The following PLXDC2 variants were observed in gnomAD, a reference collection of about 807,000 sequenced individuals.
PLXDC2 encodes plexin domain-containing protein 2.
In PLXDC2, 40 loss-of-function variants were observed where a neutral mutation model predicts 68.9. The ratio of observed to expected loss-of-function variants is 0.58; its 90% CI spans 0.45 to 0.76. The LOEUF is 0.76. Among genes scored for constraint, PLXDC2 ranks in the 30% least tolerant of loss-of-function variants. The pLI is 0.00. For missense variants in PLXDC2, 644 were observed against 661.9 expected, an observed-to-expected ratio of 0.97 and a Z score of 0.30; for synonymous variants, 243 against 234.2, an observed-to-expected ratio of 1.04 and a Z score of -0.34.
At chr10:19,858,969 C>G (rs1458511508) in intron 1 of PLXDC2, among the ~76,000 whole-genome samples, 1 of 151,612 alleles carries the variant, frequency 6.6e-6, no homozygotes, top group African/African-American at 2.4e-5. Context: ...GAAGCTTCCA[C>G]TCATGGTGGA....
At chr10:20,167,594 T>C (rs1834391911) in intron 7 of PLXDC2, among the ~76,000 whole-genome samples, 1 of 152,166 alleles carries the variant, frequency 6.6e-6, no homozygotes, top group African/African-American at 2.4e-5. Context: ...AGGGAACAAC[T>C]GATTATTATT....
At chr10:20,112,752 GA>G (rs1249023246) in intron 4 of PLXDC2, among the ~76,000 whole-genome samples, 1 of 152,144 alleles carries the variant, frequency 6.6e-6, no homozygotes, top group Non-Finnish European at 1.5e-5. Flanking sequence ...AAGACCACAT[GA>G]AAGTTGGAAA....
chr10:20,228,223 G>A (rs1026653742), intron 12 of PLXDC2, among the ~76,000 whole-genome samples: 4 of 152,158 alleles, frequency 2.6e-5, no homozygotes, highest in African/African-American at 9.7e-5. Flanking sequence ...ATAAATGACA[G>A]TTGAAGTTAA....
At chr10:20,109,703 T>A (rs1833533963) in intron 4 of PLXDC2, among the ~76,000 whole-genome samples, 1 of 152,236 alleles carries the variant, frequency 6.6e-6, no homozygotes, top group African/African-American at 2.4e-5. Flanking sequence ...AATGTTTTTT[T>A]AACTACTATA....
At chr10:20,265,602 AT>A (rs1835862108) in intron 13 of PLXDC2, among the ~76,000 whole-genome samples, 1 of 152,190 alleles carries the variant, frequency 6.6e-6, no homozygotes, top group Non-Finnish European at 1.5e-5. Flanking sequence ...ACTACATATC[AT>A]TTAGTATTGT....
rs1053773221 is a variant in PLXDC2 at position 20,068,246 on chromosome 10, G to A, written c.541+7G>A. 4 of 1,604,240 alleles carry A rather than the reference G, an allele frequency of 2.5e-6. No homozygotes were observed. The highest frequency in any genetic ancestry group is 1.7e-5 in the Admixed American group (1 of 59,550). On this transcript the variant is annotated splice_region_variant and intron_variant, in intron 4 of 13. Transcript: ENST00000377252. Reference sequence around the variant, plus strand: ...ATCACTGTGGCAACCGGGGGTAAGTGGTTTTCTACCCATTCACCTTAAGTA... The same window carrying A: ...ATCACTGTGGCAACCGGGGGTAAGTAGTTTTCTACCCATTCACCTTAAGTA...
chr10:20,276,226 A>G (rs368422519), intron 13 of PLXDC2, among the ~76,000 whole-genome samples: 8 of 152,102 alleles, frequency 5.3e-5, no homozygotes, highest in African/African-American at 1.9e-4. Context: ...ACTTCCTTTC[A>G]AGGGCTCATC....
intron 2 of PLXDC2, among the ~76,000 whole-genome samples, chr10:20,027,658 T>C (rs1835426140): frequency 6.6e-6 from 1 of 150,722 alleles, no homozygotes. Flanking sequence ...GAAGATACTT[T>C]CTCTCAACAC....
chr10:20,287,479 A>G lies in PLXDC2; in HGVS notation c.*7660A>G, dbSNP rs1399231478. The G allele has an allele frequency of 6.6e-5, 10 of 152,126 alleles. No individual in the cohort carries two copies. The highest frequency in any genetic ancestry group is 6.5e-4 in the Admixed American group (10 of 15,274). 9.4% of individuals were successfully genotyped at this position (152,126 alleles called of 1,614,324 possible). On this transcript the variant is annotated 3_prime_UTR_variant, in exon 14 of 14. Transcript: ENST00000377252. The stretch of plus-strand genomic sequence containing the variant: ...CAGACTCCAGTGCTATTTTCTGGAC[A>G]TTTGTGGTGAAGCCTCAGCCACCAT...
At position 20,143,322 on chromosome 10, in the gene PLXDC2, A is replaced by C; in HGVS notation, c.569A>C (p.His190Pro). ...TTCATATACACTGGAGAAGTCGTAC[A>C]TCGAATGCTAACAGCCACACAGTAC... ...GGFIYTGEVV[H>P]RMLTATQYIA... Residue 190 changes from histidine (H) to proline (P), a missense_variant, in exon 5 of 14, where the codon CAT (histidine) becomes CCT (proline). Coordinates refer to ENST00000377252, the MANE Select transcript of PLXDC2 (RefSeq NM_032812.9). 6.2e-7 allele frequency: 1 copy of C among 1,613,084 alleles called. No individual in the cohort carries two copies. The highest frequency in any genetic ancestry group is 8.5e-7 in the Non-Finnish European group (1 of 1,179,262).
intron 4 of PLXDC2, among the ~76,000 whole-genome samples, chr10:20,137,023 C>G (rs1224231999): frequency 6.6e-6 from 1 of 152,078 alleles, no homozygotes; most frequent in South Asian, 2.1e-4. Context: ...AACTTTGGAC[C>G]CTCAGGTTTT....
At chr10:20,049,597 A>G (rs534517722) in intron 3 of PLXDC2, among the ~76,000 whole-genome samples, 3 of 152,068 alleles carry the variant, frequency 2.0e-5, no homozygotes, top group East Asian at 3.9e-4. Context: ...CGGGAAGGCA[A>G]TCTCATTCAC....
chr10:20,093,771 T>A (rs1833312369), intron 4 of PLXDC2, among the ~76,000 whole-genome samples: 1 of 152,144 alleles, frequency 6.6e-6, no homozygotes, highest in Non-Finnish European at 1.5e-5. Context: ...CCTCCTGGGC[T>A]CAAGGGATCT....
chr10:19,912,161 G>A (rs1345681536), intron 1 of PLXDC2, among the ~76,000 whole-genome samples: 17 of 152,190 alleles, frequency 1.1e-4, no homozygotes, highest in Admixed American at 1.1e-3. Flanking sequence ...TAGTCTGAGT[G>A]TACAGAGCTA....
Position 19,952,687 on chromosome 10 carries a change from C to T in PLXDC2, c.113-49088C>T, listed in dbSNP as rs572768751. Among the ~76,000 whole-genome samples the T allele has an allele frequency of 3.3e-5, 5 of 152,150 alleles. No homozygotes were observed. In the South Asian group the frequency reaches 1.0e-3, roughly 32 times the overall value. On this transcript the variant is annotated intron_variant, in intron 1 of 13. Transcript: ENST00000377252. ...AAAATGATTGCTTGGGTAAAGAGGA[C>T]CTGCTTGGATATGTACCTATTTAAA...
At chr10:19,921,870 A>AT in intron 1 of PLXDC2, among the ~76,000 whole-genome samples, 1 of 151,384 alleles carries the variant, frequency 6.6e-6, no homozygotes, top group Non-Finnish European at 1.5e-5. Context: ...TAATTTTTTT[A>AT]TTTTTTTGAG....
chr10:19,937,483 C>A (rs1833743080), intron 1 of PLXDC2, among the ~76,000 whole-genome samples: 1 of 148,300 alleles, frequency 6.7e-6, no homozygotes, highest in Non-Finnish European at 1.5e-5. Context: ...GTTCCCTCAT[C>A]TGTGTTCCCA....
chr10:20,058,396 T>A (rs758672371), intron 3 of PLXDC2, among the ~76,000 whole-genome samples: 1 of 152,130 alleles, frequency 6.6e-6, no homozygotes, highest in Admixed American at 6.5e-5. Flanking sequence ...AGGTTTAACA[T>A]TGAGTATATT....
At chr10:20,122,326 TAAG>T (rs1833709848) in intron 4 of PLXDC2, among the ~76,000 whole-genome samples, 1 of 152,090 alleles carries the variant, frequency 6.6e-6, no homozygotes, top group East Asian at 1.9e-4. Flanking sequence ...CCGTATTGAT[TAAG>T]AAGGGGACGG....
Sources: gnomAD v4.1 joint callset for allele counts (sites outside exome capture counted in the v4.1 genomes callset) on GRCh38, gnomAD v4.1.1 for gene constraint, MANE v1.5 for transcripts, NCBI Gene and HGNC (gene_info 2026-07-23, HGNC 2026-07-21) for gene names.